Variants in OPA1 observed in about 807,000 individuals in gnomAD.
The protein encoded by OPA1 is OPA1 mitochondrial dynamin like GTPase.
Under a neutral mutation model 152.9 loss-of-function variants are expected in OPA1, and 59 were observed. That is an observed-to-expected ratio of 0.39 (90% CI 0.31 to 0.48). OPA1 has a LOEUF of 0.48. Among genes scored for constraint, OPA1 ranks in the 20% least tolerant of loss-of-function variants. OPA1 has a pLI of 0.96. For synonymous variants in OPA1, 400 were observed against 389.9 expected, an observed-to-expected ratio of 1.03 and a Z score of -0.31; for missense variants, 1,008 against 1,216.8, an observed-to-expected ratio of 0.83 and a Z score of 2.55.
intron 1 of OPA1, among the ~76,000 whole-genome samples, chr3:193,608,779 G>A (rs147943843): frequency 0.031 from 4,785 of 151,988 alleles, 253 homozygotes; most frequent in African/African-American, 0.11. Context: ...TGTCTCGTTG[G>A]TCTGTCTAAT....
intron 6 of OPA1, among the ~76,000 whole-genome samples, chr3:193,621,261 A>G (rs1401081517): frequency 6.6e-6 from 1 of 152,248 alleles, no homozygotes; most frequent in African/African-American, 2.4e-5. Context: ...ACATCTGGAG[A>G]AGTGCTGGCA....
intron 1 of OPA1, among the ~76,000 whole-genome samples, chr3:193,610,993 C>T (rs915227914): frequency 6.6e-6 from 1 of 152,126 alleles, no homozygotes; most frequent in African/African-American, 2.4e-5. Flanking sequence ...CTGGGTGAGG[C>T]GATGCCTCGC....
At chr3:193,662,460 G>A (rs1173743147) in intron 25 of OPA1, among the ~76,000 whole-genome samples, 1 of 152,100 alleles carries the variant, frequency 6.6e-6, no homozygotes, top group African/African-American at 2.4e-5. Context: ...TGCATTCAGG[G>A]TGCTTTTTCC....
chr3:193,603,987 A>G (rs1726850523), intron 1 of OPA1, among the ~76,000 whole-genome samples: 1 of 152,208 alleles, frequency 6.6e-6, no homozygotes, highest in Non-Finnish European at 1.5e-5. Flanking sequence ...AGGAGAAGTA[A>G]TTCATAAGAT....
At chr3:193,663,030 A>G in intron 26 of OPA1, 68 bp downstream of exon 26, 8 of 1,474,150 alleles carry the variant, frequency 5.4e-6, no homozygotes, top group Non-Finnish European at 7.6e-6. Flanking sequence ...AAATGTTACT[A>G]CATGTGTTAG....
chr3:193,629,610 G>A (rs186612400), intron 7 of OPA1, among the ~76,000 whole-genome samples: 38 of 152,032 alleles, frequency 2.5e-4, no homozygotes, highest in African/African-American at 8.9e-4. Flanking sequence ...TGAGGCAGGA[G>A]AATGGCGTGA....
intron 21 of OPA1, among the ~76,000 whole-genome samples, chr3:193,654,323 C>T (rs1014778478): frequency 6.6e-6 from 1 of 151,700 alleles, no homozygotes; most frequent in African/African-American, 2.4e-5. Context: ...TAGTGAGACC[C>T]CATCTCTACA....
At chr3:193,660,586 AT>A (rs71637117) in intron 25 of OPA1, among the ~76,000 whole-genome samples, 17,721 of 151,846 alleles carry the variant, frequency 0.12, 1,333 homozygotes, top group Non-Finnish European at 0.16. Flanking sequence ...TCTATATCCT[AT>A]TTTTTTCCTA....
rs1560301258 is a variant in OPA1 at position 193,596,326 on chromosome 3, C to CTTTCCTTTCCTTTCCTTTCCTTTCT, written c.32+2930_32+2931insCCTTTCCTTTCTTTTCCTTTCCTTT. Among the ~76,000 whole-genome samples, 16 of 125,508 alleles carry CTTTCCTTTCCTTTCCTTTCCTTTCT rather than the reference C, an allele frequency of 1.3e-4. No individual in the cohort carries two copies. In the East Asian group the frequency reaches 3.9e-3, roughly 30 times the overall value. The allele number at this position is 125,508 out of a possible 152,430, so 82.3% of individuals were successfully genotyped here. Reference sequence around the variant, plus strand: ...TTTTCTTTTCCTTTCCTTTCCTTTCCTTTCCTTTCCTTTTCTTTTCTTTTC... The same window carrying CTTTCCTTTCCTTTCCTTTCCTTTCT: ...TTTTCTTTTCCTTTCCTTTCCTTTCCTTTCCTTTCCTTTCCTTTCCTTTCTTTTCCTTTCCTTTTCTTTTCTTTTC... On this transcript the variant is annotated intron_variant, in intron 1 of 30. Coordinates refer to ENST00000361510, the MANE Select transcript of OPA1 (RefSeq NM_130837.3).
chr3:193,646,963 TA>T, intron 18 of OPA1, 101 bp from the exon 19 acceptor site: 1 of 719,056 alleles, frequency 1.4e-6, no homozygotes, highest in Non-Finnish European at 2.4e-6. Context: ...GTATGAAAGG[TA>T]AGAGTGGCTG....
chr3:193,593,431 G>T, intron 1 of OPA1, 22 bp downstream of exon 1: 1 of 1,525,680 alleles, frequency 6.6e-7, no homozygotes, highest in South Asian at 1.2e-5. Flanking sequence ...CTCTAATCTG[G>T]CCCCGTTAAT....
chr3:193,593,348 C>T lies in OPA1; in HGVS notation c.-30C>T, dbSNP rs1410920441. 2.6e-6 allele frequency: 4 copies of T among 1,540,754 alleles called. No individual in the cohort carries two copies. Among genetic ancestry groups the T allele is most frequent in the South Asian group, 1.2e-5 (1 of 82,870 alleles). On this transcript the variant is annotated 5_prime_UTR_variant, in exon 1 of 31. Coordinates refer to ENST00000361510, the MANE Select transcript of OPA1 (RefSeq NM_130837.3). The stretch of plus-strand genomic sequence containing the variant: ...CACGGGGGCTCCCGCGTGGCCGTCT[C>T]GGCGCCTGCGTGACCTCCCCGCCGG...
chr3:193,690,303 TCCC>T (rs756588445), intron 29 of OPA1, among the ~76,000 whole-genome samples: 3 of 47,124 alleles, frequency 6.4e-5, no homozygotes, highest in Admixed American at 5.4e-4. Flanking sequence ...ACAACTGGAC[TCCC>T]CCCCCACCCC....
Position 193,664,849 on chromosome 3 carries a change from T to A in OPA1, c.2662-31T>A, listed in dbSNP as rs768350436. 7 of 1,145,708 alleles carry A rather than the reference T, an allele frequency of 6.1e-6. No homozygotes were observed. In the South Asian group the frequency reaches 8.7e-5, roughly 14 times the overall value. The allele number at this position is 1,145,708 out of a possible 1,614,324, so 71.0% of individuals were successfully genotyped here. ...GTTGATCAACATGAAGAATATACAG[T>A]AACTCTGGGCTTTCTTTTTTCTCAT... is the stretch of plus-strand genomic sequence containing the variant. On this transcript the variant is annotated intron_variant, in intron 26 of 30. Coordinates refer to ENST00000361510, the MANE Select transcript of OPA1 (RefSeq NM_130837.3).
intron 29 of OPA1, chr3:193,668,979 G>A (rs563548242): frequency 1.9e-5 from 9 of 462,474 alleles, no homozygotes; most frequent in South Asian, 8.9e-5. Context: ...CTTCAGCTTC[G>A]TGTAACAAAG....
chr3:193,645,455 A>T, intron 16 of OPA1, 98 bp from the exon 17 acceptor site: 1 of 808,690 alleles, frequency 1.2e-6, no homozygotes, highest in Non-Finnish European at 2.0e-6. Context: ...TTAACTATAT[A>T]CATGTATAGC....
chr3:193,596,330 C>T (rs1210745763), intron 1 of OPA1, among the ~76,000 whole-genome samples: 21 of 121,420 alleles, frequency 1.7e-4, no homozygotes, highest in African/African-American at 6.4e-4. Flanking sequence ...CCTTTCCTTT[C>T]CTTTCCTTTT....
rs555180504 is a variant in OPA1 at position 193,622,672 on chromosome 3, T to G, written c.679-3420T>G. 2.0e-5 allele frequency among the ~76,000 whole-genome samples: 3 copies of G among 152,334 alleles called. No homozygotes were observed. The East Asian group carries it at 5.8e-4, about 29-fold the overall frequency. ...TCCATAACCTTTGTAGCTCCATTAA[T>G]TATATTCTTCTGAGTGTTTAAAACA... On this transcript the variant is annotated intron_variant, in intron 6 of 30. Coordinates refer to ENST00000361510, the MANE Select transcript of OPA1 (RefSeq NM_130837.3).
chr3:193,598,389 T>C (rs916385769), intron 1 of OPA1, among the ~76,000 whole-genome samples: 5 of 152,184 alleles, frequency 3.3e-5, no homozygotes, highest in African/African-American at 1.2e-4. Context: ...GAAGAGCTCT[T>C]CTAGCAGAGA....
Sources: gnomAD v4.1 joint callset for allele counts (sites outside exome capture counted in the v4.1 genomes callset) on GRCh38, gnomAD v4.1.1 for gene constraint, MANE v1.5 for transcripts, NCBI Gene and HGNC (gene_info 2026-07-23, HGNC 2026-07-21) for gene names.